Variants in AFG1L observed in about 807,000 individuals in gnomAD.
The protein encoded by AFG1L is AFG1-like ATPase.
Under a neutral mutation model 62.2 loss-of-function variants are expected in AFG1L, and 53 were observed. That is an observed-to-expected ratio of 0.85 (90% confidence interval 0.68 to 1.07). The LOEUF is 1.07. Among genes scored for constraint, AFG1L ranks in the 50% least tolerant of loss-of-function variants. The probability of loss-of-function intolerance (pLI) is 0.00; values close to 1 mark genes in which losing one functional copy is unlikely to be tolerated. For synonymous variants in AFG1L, 228 were observed against 210.3 expected, an observed-to-expected ratio of 1.08 and a Z score of -0.73; for missense variants, 555 against 590.5, an observed-to-expected ratio of 0.94 and a Z score of 0.62.
At chr6:108,348,887 G>C (rs151185678) in intron 3 of AFG1L, among the ~76,000 whole-genome samples, 1 of 152,292 alleles carries the variant, frequency 6.6e-6, no homozygotes, top group Non-Finnish European at 1.5e-5. Flanking sequence ...AAGCATAACT[G>C]CTTCCACTTC....
chr6:108,335,658 A>G (rs138179800), intron 2 of AFG1L, among the ~76,000 whole-genome samples: 120 of 152,332 alleles, frequency 7.9e-4, no homozygotes, highest in Non-Finnish European at 1.4e-3. Context: ...TCGTATCTCA[A>G]TAGTGGACTG....
intron 11 of AFG1L, among the ~76,000 whole-genome samples, chr6:108,512,158 C>T (rs1378753570): frequency 1.3e-5 from 2 of 152,180 alleles, no homozygotes; most frequent in African/African-American, 4.8e-5. Context: ...TGCATGTTCT[C>T]ATGTTTCTCA....
chr6:108,497,416 A>G (rs1188409957), intron 10 of AFG1L, among the ~76,000 whole-genome samples: 1 of 151,962 alleles, frequency 6.6e-6, no homozygotes, highest in Non-Finnish European at 1.5e-5. Flanking sequence ...TTCAAATTCT[A>G]TATTCATTTT....
intron 1 of AFG1L, among the ~76,000 whole-genome samples, chr6:108,322,220 T>C (rs1777838804): frequency 6.6e-6 from 1 of 152,192 alleles, no homozygotes; most frequent in Non-Finnish European, 1.5e-5. Flanking sequence ...AAGTTTATTA[T>C]TCTTTTACAT....
At chr6:108,307,490 C>A (rs77937551) in intron 1 of AFG1L, among the ~76,000 whole-genome samples, 1 of 151,146 alleles carries the variant, frequency 6.6e-6, no homozygotes, top group Non-Finnish European at 1.5e-5. Context: ...AGCTCACTGC[C>A]GCCTAAACCT....
At chr6:108,309,220 A>G (rs1777315609) in intron 1 of AFG1L, among the ~76,000 whole-genome samples, 1 of 152,130 alleles carries the variant, frequency 6.6e-6, no homozygotes, top group African/African-American at 2.4e-5. Flanking sequence ...GTTTCTTTGT[A>G]TGGATATCCA....
chr6:108,295,194 G>A lies in AFG1L; in HGVS notation c.115G>A (p.Ala39Thr). Residue 39 changes from alanine to threonine, a missense_variant, in exon 1 of 13, where the codon GCC (alanine) becomes ACC (threonine). Physicochemically the swap from Ala to Thr is moderately conservative, Grantham distance 58. Coordinates refer to ENST00000368977, the MANE Select transcript of AFG1L (RefSeq NM_145315.5). Reference protein sequence around the residue: ...WAAALAPLATAPGKPFWKAYT... With the variant: ...WAAALAPLATTPGKPFWKAYT... Reference sequence around the variant, plus strand: ...CGCCGCTCTCGCTCCTCTGGCCACCGCCCCTGGGAAGCCCTTTTGGAAAGG... The same window carrying A: ...CGCCGCTCTCGCTCCTCTGGCCACCACCCCTGGGAAGCCCTTTTGGAAAGG... 1.2e-6 allele frequency: 2 copies of A among 1,605,580 alleles called. No individual in the cohort carries two copies. The highest frequency in any genetic ancestry group is 1.7e-6 in the Non-Finnish European group (2 of 1,179,738).
chr6:108,465,713 ATT>A (rs531643743), intron 8 of AFG1L, among the ~76,000 whole-genome samples: 1 of 152,000 alleles, frequency 6.6e-6, no homozygotes, highest in Non-Finnish European at 1.5e-5. Context: ...GTGTTCTTAA[ATT>A]TTCCTACTTT....
chr6:108,416,864 G>A (rs1359269425), intron 7 of AFG1L, among the ~76,000 whole-genome samples: 7 of 151,910 alleles, frequency 4.6e-5, no homozygotes, highest in Non-Finnish European at 1.0e-4. Flanking sequence ...CTTGGCACAT[G>A]TATAGATAGG....
intron 6 of AFG1L, among the ~76,000 whole-genome samples, chr6:108,396,079 A>G (rs1781292656): frequency 6.8e-6 from 1 of 146,590 alleles, no homozygotes; most frequent in Non-Finnish European, 1.5e-5. Flanking sequence ...GGGTTTCCCT[A>G]TGTTGCCCAG....
intron 10 of AFG1L, among the ~76,000 whole-genome samples, chr6:108,484,234 T>G (rs757788616): frequency 3.3e-5 from 5 of 152,218 alleles, no homozygotes; most frequent in Non-Finnish European, 5.9e-5. Flanking sequence ...ATAGCATTGC[T>G]GATCTGTGTA....
chr6:108,390,000 CA>C (rs1207999204), intron 6 of AFG1L, among the ~76,000 whole-genome samples: 2 of 152,222 alleles, frequency 1.3e-5, no homozygotes, highest in Non-Finnish European at 2.9e-5. Flanking sequence ...TTCTCCCTTT[CA>C]CTTTCAGGTA....
At chr6:108,402,940 T>TA (rs1431851665) in intron 7 of AFG1L, among the ~76,000 whole-genome samples, 5 of 152,148 alleles carry the variant, frequency 3.3e-5, no homozygotes, top group Admixed American at 6.5e-5. Flanking sequence ...GCATAGAGTT[T>TA]AAAATAGTCT....
chr6:108,437,063 A>T (rs1771344625), intron 7 of AFG1L, among the ~76,000 whole-genome samples: 1 of 152,192 alleles, frequency 6.6e-6, no homozygotes, highest in Non-Finnish European at 1.5e-5. Context: ...AAGCTCCCTC[A>T]GCCTTTTTTT....
Position 108,447,227 on chromosome 6 carries a change from C to A in AFG1L, c.821C>A (p.Thr274Lys). The change falls in exon 8 of 13, where the codon ACA (threonine) becomes AAA (lysine). Residue 274 changes from threonine (T) to lysine (K), a missense_variant. Physicochemically the swap from Thr to Lys is moderately conservative, Grantham distance 78. Transcript: ENST00000368977. ...TTTGGATTGTAGGAATATTGTAATA[C>A]AGTCCAGCTAGATTCTGGGATAGAT... ...FIAVLKEYCN[T>K]VQLDSGIDYR... 1.9e-6 allele frequency: 3 copies of A among 1,595,080 alleles called. No homozygotes were observed. The highest frequency in any genetic ancestry group is 2.6e-6 in the Non-Finnish European group (3 of 1,163,420).
At chr6:108,299,305 T>G (rs1382511072) in intron 1 of AFG1L, among the ~76,000 whole-genome samples, 2 of 151,460 alleles carry the variant, frequency 1.3e-5, no homozygotes, top group East Asian at 3.9e-4. Context: ...TTGGACATAC[T>G]TGGAAGAGAC....
At chr6:108,407,482 C>T (rs1337003125) in intron 7 of AFG1L, among the ~76,000 whole-genome samples, 1 of 152,002 alleles carries the variant, frequency 6.6e-6, no homozygotes, top group Non-Finnish European at 1.5e-5. Flanking sequence ...AGTTTGAGAC[C>T]AGCCTGAGCA....
chr6:108,315,841 A>T (rs1200831194), intron 1 of AFG1L, among the ~76,000 whole-genome samples: 1 of 152,150 alleles, frequency 6.6e-6, no homozygotes. Context: ...TGAGCCCAGG[A>T]GTTTAAGACC....
intron 8 of AFG1L, among the ~76,000 whole-genome samples, chr6:108,451,032 G>C (rs1344533046): frequency 6.6e-6 from 1 of 151,594 alleles, no homozygotes; most frequent in Non-Finnish European, 1.5e-5. Flanking sequence ...GTGTGTTTCT[G>C]TTTATTACCA....
Sources: gnomAD v4.1 joint callset for allele counts (sites outside exome capture counted in the v4.1 genomes callset) on GRCh38, gnomAD v4.1.1 for gene constraint, MANE v1.5 for transcripts, NCBI Gene and HGNC (gene_info 2026-07-23, HGNC 2026-07-21) for gene names.